The following SH3BP5 variants were observed in gnomAD, a reference collection of about 807,000 sequenced individuals.
SH3BP5 encodes the protein SH3 domain binding protein 5.
SH3BP5 carries 22 observed loss-of-function variants against 43.3 expected under a neutral mutation model. The ratio of observed to expected loss-of-function variants is 0.51; its 90% CI spans 0.36 to 0.73. SH3BP5 has a LOEUF of 0.73. Among genes scored for constraint, SH3BP5 ranks in the 30% least tolerant of loss-of-function variants. The pLI, the probability that SH3BP5 is intolerant of heterozygous loss-of-function variation, is 0.00. For synonymous variants in SH3BP5, 255 were observed against 225.8 expected (o/e 1.13, Z -1.16); for missense variants, 529 against 586.9 (o/e 0.90, Z 1.02).
chr3:15,323,729 C>T (rs1033751912), intron 2 of SH3BP5, among the ~76,000 whole-genome samples: 2 of 152,130 alleles, frequency 1.3e-5, no homozygotes, highest in Admixed American at 1.3e-4. Flanking sequence ...GGTTATTTCA[C>T]AGCAAAAACT....
At chr3:15,323,296 C>T (rs1698383193) in intron 2 of SH3BP5, among the ~76,000 whole-genome samples, 1 of 152,206 alleles carries the variant, frequency 6.6e-6, no homozygotes. Context: ...CCCTCTGACC[C>T]CCTTCCCAGT....
At chr3:15,278,687 C>T (rs895544901) in intron 3 of SH3BP5, among the ~76,000 whole-genome samples, 3 of 152,218 alleles carry the variant, frequency 2.0e-5, no homozygotes, top group African/African-American at 7.2e-5. Flanking sequence ...TTATTTTTCA[C>T]ACCGAGGTGC....
chr3:15,332,556 T>C lies in SH3BP5; in HGVS notation c.-148A>G, dbSNP rs1323196094. ...ACACCCGGGAGACGCAGCTCGCCGA[T>C]GCGGATACCTCCGGCCGCGGCGGAG... On this transcript the variant is annotated 5_prime_UTR_variant, in exon 1 of 9. Transcript: ENST00000383791. The C allele has an allele frequency of 5.7e-6, 7 of 1,234,108 alleles. No individual in the cohort carries two copies. Among genetic ancestry groups the C allele is most frequent in the South Asian group, 6.8e-5 (2 of 29,288 alleles). 76.4% of individuals were successfully genotyped at this position (1,234,108 alleles called of 1,614,324 possible). A position where few individuals can be genotyped will look rare whatever the true frequency, so the allele number is the denominator to read the frequency against.
In SH3BP5 at chr3:15,332,572, C is replaced by A. The variant is rs1201802742; in HGVS notation, c.-164G>T. 3 of 1,223,804 alleles carry A rather than the reference C, an allele frequency of 2.5e-6. No individual in the cohort carries two copies. The highest frequency in any genetic ancestry group is 3.6e-5 in the South Asian group (1 of 27,950). The allele number at this position is 1,223,804 out of a possible 1,614,324, so 75.8% of individuals were successfully genotyped here. A position where few individuals can be genotyped will look rare whatever the true frequency, so the allele number is the denominator to read the frequency against. ...GCTCGCCGATGCGGATACCTCCGGC[C>A]GCGGCGGAGCAGAGGAAATGGGCGC... On this transcript the variant is annotated 5_prime_UTR_variant, in exon 1 of 9. Transcript: ENST00000383791.
chr3:15,269,514 C>G (rs552820196), intron 4 of SH3BP5, among the ~76,000 whole-genome samples, 199 bp downstream of exon 4: 2 of 152,090 alleles, frequency 1.3e-5, no homozygotes, highest in African/African-American at 4.8e-5. Context: ...CTCGCTGTCA[C>G]GGAGAGACAC....
chr3:15,327,156 G>T (rs1397346891), intron 2 of SH3BP5, among the ~76,000 whole-genome samples: 1 of 152,022 alleles, frequency 6.6e-6, no homozygotes, highest in Admixed American at 6.5e-5. Context: ...GGGGAGGGGG[G>T]TAGCGACGAC....
At chr3:15,259,627 GAA>G in intron 6 of SH3BP5, 132 bp downstream of exon 6, 1 of 896,350 alleles carries the variant, frequency 1.1e-6, no homozygotes, top group East Asian at 2.4e-5. Flanking sequence ...TTTGAGGTCT[GAA>G]AACTCAGTAA....
At chr3:15,316,440 G>A (rs147555620) in intron 2 of SH3BP5, among the ~76,000 whole-genome samples, 3,087 of 151,968 alleles carry the variant, frequency 0.02, 101 homozygotes, top group African/African-American at 0.07. Context: ...GGTCAGGCTG[G>A]TCTCGAACTC....
chr3:15,315,044 G>A, intron 2 of SH3BP5, among the ~76,000 whole-genome samples: 1 of 152,136 alleles, frequency 6.6e-6, no homozygotes, highest in Non-Finnish European at 1.5e-5. Flanking sequence ...GAACCATGAG[G>A]TGGCATGGGA....
upstream of SH3BP5, among the ~76,000 whole-genome samples, chr3:15,337,084 GTTTTTTTTTTTT>G (rs374056927): frequency 1.0e-5 from 1 of 100,128 alleles, no homozygotes; most frequent in African/African-American, 4.0e-5. Flanking sequence ...TTTTAGTTTA[GTTTTTTTTTTTT>G]TTTTTTTTTT....
At chr3:15,332,818 G>A (rs1426918320), upstream of SH3BP5, among the ~76,000 whole-genome samples, 5 of 152,140 alleles carry the variant, frequency 3.3e-5, no homozygotes, top group Non-Finnish European at 7.3e-5. Context: ...CCCGCTTTCG[G>A]GAGTCCCCTC....
intron 3 of SH3BP5, among the ~76,000 whole-genome samples, chr3:15,292,214 C>T (rs747179921): frequency 7.2e-5 from 11 of 152,164 alleles, no homozygotes; most frequent in South Asian, 2.1e-4. Context: ...AGGAAGGAAA[C>T]ATCTGAAGAG....
chr3:15,285,396 G>A (rs951911992), intron 3 of SH3BP5, among the ~76,000 whole-genome samples: 32 of 152,042 alleles, frequency 2.1e-4, no homozygotes, highest in Admixed American at 1.7e-3. Flanking sequence ...TCCCCGCTCC[G>A]CTCAACCTCA....
intron 8 of SH3BP5, 49 bp from the exon 9 acceptor site, chr3:15,256,352 T>A: frequency 6.4e-7 from 1 of 1,556,494 alleles, no homozygotes; most frequent in Non-Finnish European, 8.8e-7. Context: ...AATTCTGCCC[T>A]GTCTCCTATA....
At chr3:15,307,264 A>AT (rs1361402808) in intron 2 of SH3BP5, among the ~76,000 whole-genome samples, 4 of 152,172 alleles carry the variant, frequency 2.6e-5, no homozygotes, top group African/African-American at 7.2e-5. Flanking sequence ...GCTTAGGGTC[A>AT]TCCGCTGCAG....
At chr3:15,257,226 C>G in intron 7 of SH3BP5, 113 bp from the exon 8 acceptor site, 1 of 1,079,434 alleles carries the variant, frequency 9.3e-7, no homozygotes, top group Non-Finnish European at 1.3e-6. Context: ...GAGTCTCTAC[C>G]TCTGTGAGTG....
Position 15,332,544 on chromosome 3 carries a change from G to A in SH3BP5, c.-136C>T, listed in dbSNP as rs951254609. 44 of 1,237,862 alleles carry A rather than the reference G, an allele frequency of 3.6e-5. 1 individual carries two copies. In the South Asian group the frequency reaches 8.1e-4, roughly 23 times the overall value. 76.7% of individuals were successfully genotyped at this position (1,237,862 alleles called of 1,614,324 possible). ...CCGCCGGGGCCGACACCCGGGAGACGCAGCTCGCCGATGCGGATACCTCCG... is the reference window on the plus strand; with the variant it reads ...CCGCCGGGGCCGACACCCGGGAGACACAGCTCGCCGATGCGGATACCTCCG... On this transcript the variant is annotated 5_prime_UTR_variant, in exon 1 of 9. Coordinates refer to ENST00000383791, the MANE Select transcript of SH3BP5 (RefSeq NM_004844.5).
At chr3:15,300,466 C>A (rs1229856122) in intron 3 of SH3BP5, among the ~76,000 whole-genome samples, 1 of 149,358 alleles carries the variant, frequency 6.7e-6, no homozygotes, top group African/African-American at 2.5e-5. Flanking sequence ...CCCTGCTGTA[C>A]ATAACCAGAG....
intron 3 of SH3BP5, among the ~76,000 whole-genome samples, chr3:15,296,341 T>TATACACACACACACACAC (rs1553616951): frequency 6.8e-6 from 1 of 146,160 alleles, no homozygotes; most frequent in African/African-American, 2.5e-5. Context: ...GGAAATCATA[T>TATACACACACACACACAC]ACACACACAC....
Sources: allele counts gnomAD v4.1 joint callset (sites outside exome capture counted in the v4.1 genomes callset), GRCh38; gene constraint gnomAD v4.1.1; transcripts MANE v1.5; gene names NCBI Gene and HGNC (gene_info 2026-07-23, HGNC 2026-07-21).